Variants in NELL2 observed in about 807,000 individuals in gnomAD.
NELL2 encodes the protein neural EGFL like 2.
NELL2 carries 41 observed loss-of-function variants against 109.6 expected under a neutral mutation model. The observed-to-expected ratio is 0.37, with a 90% confidence interval of 0.29 to 0.49. NELL2 has a LOEUF of 0.49. NELL2 is among the 20% of genes least tolerant of loss of function. NELL2 has a pLI of 0.98. For synonymous variants in NELL2, 355 were observed against 344.7 expected (o/e 1.03, Z -0.33); for missense variants, 900 against 1,008.3 (o/e 0.89, Z 1.45).
intron 13 of NELL2, among the ~76,000 whole-genome samples, chr12:44,637,977 A>C (rs2136295728): frequency 6.6e-6 from 1 of 152,172 alleles, no homozygotes; most frequent in South Asian, 2.1e-4. Flanking sequence ...AACAGTATGG[A>C]CCAGGAATTC....
chr12:44,852,952 A>G (rs1232239398), intron 2 of NELL2, among the ~76,000 whole-genome samples: 3 of 152,138 alleles, frequency 2.0e-5, no homozygotes, highest in Non-Finnish European at 4.4e-5. Context: ...TTTTGTAGCA[A>G]CTTTTAAAAA....
At chr12:44,855,878 C>T (rs138219607) in intron 2 of NELL2, among the ~76,000 whole-genome samples, 1 of 152,286 alleles carries the variant, frequency 6.6e-6, no homozygotes, top group Non-Finnish European at 1.5e-5. Flanking sequence ...AACAGAACTA[C>T]CATTTTTTCC....
At position 44,663,303 on chromosome 12, in the gene NELL2, A is replaced by T. The variant is rs551006509; in HGVS notation, c.1444+2181T>A. Among the ~76,000 whole-genome samples the T allele has an allele frequency of 3.7e-4, 57 of 152,314 alleles. 1 individual carries two copies. The highest frequency in any genetic ancestry group is 1.3e-3 in the African/African-American group (56 of 41,584). On this transcript the variant is annotated intron_variant, in intron 13 of 19. Transcript: ENST00000429094. ...TCACCTGACTCTGGACTAAAAATAA[A>T]ATCGACATATTCTCTAAAAAAAATC...
intron 13 of NELL2, among the ~76,000 whole-genome samples, chr12:44,632,506 A>G (rs1384067853): frequency 6.6e-6 from 1 of 152,138 alleles, no homozygotes; most frequent in African/African-American, 2.4e-5. Flanking sequence ...GATGAAGATA[A>G]TAATATCAAA....
rs139369117 is a variant in NELL2 at position 44,805,399 on chromosome 12, G to A, written c.335+10587C>T. On this transcript the variant is annotated intron_variant, in intron 3 of 19. Transcript: ENST00000429094. ...TATCTCTGCAGAAATCAACAAATAG[G>A]TTAGTAGAACAGAAAACAGGGCCCA... 2.2e-3 allele frequency among the ~76,000 whole-genome samples: 341 copies of A among 151,870 alleles called. 1 individual carries two copies. Among genetic ancestry groups the A allele is most frequent in the African/African-American group, 8.0e-3 (331 of 41,494 alleles).
chr12:44,761,438 A>G (rs1592480272), intron 9 of NELL2, among the ~76,000 whole-genome samples: 1 of 152,236 alleles, frequency 6.6e-6, no homozygotes, highest in East Asian at 1.9e-4. Context: ...GGGAACGTAA[A>G]TTATTAGAAC....
chr12:44,723,988 C>A (rs1399460375), intron 9 of NELL2, among the ~76,000 whole-genome samples: 1 of 151,872 alleles, frequency 6.6e-6, no homozygotes, highest in Non-Finnish European at 1.5e-5. Context: ...ATGGAATCAA[C>A]CTAACTGCCA....
intron 9 of NELL2, among the ~76,000 whole-genome samples, chr12:44,743,186 A>C (rs1940104679): frequency 1.3e-5 from 2 of 152,328 alleles, no homozygotes; most frequent in South Asian, 4.1e-4. Flanking sequence ...CCAGAATTTC[A>C]TATCCACCCA....
chr12:44,781,622 TA>T (rs1941962604), intron 3 of NELL2, among the ~76,000 whole-genome samples: 2 of 151,952 alleles, frequency 1.3e-5, no homozygotes, highest in Non-Finnish European at 2.9e-5. Context: ...TTCTGAAAAC[TA>T]AAAACAAAGA....
At chr12:44,529,607 A>G (rs1260288647) in intron 16 of NELL2, among the ~76,000 whole-genome samples, 1 of 152,172 alleles carries the variant, frequency 6.6e-6, no homozygotes, top group Non-Finnish European at 1.5e-5. Flanking sequence ...CCTGTAGGAG[A>G]AAGGAGAAAA....
intron 1 of NELL2, among the ~76,000 whole-genome samples, chr12:44,905,222 C>A (rs1945706728): frequency 6.6e-6 from 1 of 152,016 alleles, no homozygotes; most frequent in South Asian, 2.1e-4. Context: ...CCTGTACTTT[C>A]ATAACAGTTT....
chr12:44,736,004 CT>C (rs35988182), intron 9 of NELL2, among the ~76,000 whole-genome samples: 14,246 of 99,336 alleles, frequency 0.14, 481 homozygotes, highest in East Asian at 0.17. Flanking sequence ...GCAGTTAATT[CT>C]TTTTTTTTTT....
chr12:44,910,504 T>G (rs1449139561), intron 1 of NELL2, among the ~76,000 whole-genome samples: 3 of 152,002 alleles, frequency 2.0e-5, no homozygotes, highest in Non-Finnish European at 2.9e-5. Context: ...TATGCACTGT[T>G]GGTGGGAATG....
At chr12:44,723,454 T>C (rs1938899799) in intron 9 of NELL2, among the ~76,000 whole-genome samples, 1 of 152,206 alleles carries the variant, frequency 6.6e-6, no homozygotes, top group Admixed American at 6.5e-5. Flanking sequence ...TCAGTTAAAC[T>C]GAGAAATCAT....
chr12:44,559,019 G>C (rs1225538004), intron 15 of NELL2, among the ~76,000 whole-genome samples: 2 of 152,142 alleles, frequency 1.3e-5, no homozygotes, highest in Non-Finnish European at 2.9e-5. Flanking sequence ...TGAAGCTTGA[G>C]TAGATGGTTT....
chr12:44,815,312 T>C (rs1188018844), intron 3 of NELL2, among the ~76,000 whole-genome samples: 2 of 152,234 alleles, frequency 1.3e-5, no homozygotes, highest in African/African-American at 4.8e-5. Flanking sequence ...AACTATGAGG[T>C]AAAAAAGGAA....
At chr12:44,789,315 CCCAGTA>C (rs1246378395) in intron 3 of NELL2, among the ~76,000 whole-genome samples, 1 of 152,124 alleles carries the variant, frequency 6.6e-6, no homozygotes, top group Non-Finnish European at 1.5e-5. Flanking sequence ...GCAGACAATC[CCCAGTA>C]CCAGTACCAG....
In NELL2 at chr12:44,865,518, A is replaced by G. The variant is rs1261644394; in HGVS notation, c.184+9707T>C. Among the ~76,000 whole-genome samples, 7 of 109,632 alleles carry G rather than the reference A, an allele frequency of 6.4e-5. No individual in the cohort carries two copies. In the East Asian group the frequency reaches 7.7e-4, roughly 12 times the overall value. The allele number at this position is 109,632 out of a possible 152,430, so 71.9% of individuals were successfully genotyped here. A position where few individuals can be genotyped will look rare whatever the true frequency, so the allele number is the denominator to read the frequency against. Reference sequence around the variant, plus strand: ...ATGAGTTCATGTCCTTTGTAGGGACATGGATGAAATTGGAAACCATCATTC... The same window carrying G: ...ATGAGTTCATGTCCTTTGTAGGGACGTGGATGAAATTGGAAACCATCATTC... On this transcript the variant is annotated intron_variant, in intron 2 of 19. Transcript: ENST00000429094.
chr12:44,508,873 T>C lies in NELL2; in HGVS notation c.*61A>G. Reference sequence around the variant, plus strand: ...ATCACCCAATTTAAGTTTTAACTTCTTTTTGGTCTTTTAATGAAAGAACAT... The same window carrying C: ...ATCACCCAATTTAAGTTTTAACTTCCTTTTGGTCTTTTAATGAAAGAACAT... On this transcript the variant is annotated 3_prime_UTR_variant, in exon 20 of 20. Coordinates refer to ENST00000429094, the MANE Select transcript of NELL2 (RefSeq NM_001145108.2). The C allele has an allele frequency of 2.1e-6, 3 of 1,454,378 alleles. No homozygotes were observed. 90.1% of individuals were successfully genotyped at this position (1,454,378 alleles called of 1,614,324 possible).
Sources: allele counts gnomAD v4.1 joint callset (sites outside exome capture counted in the v4.1 genomes callset), GRCh38; gene constraint gnomAD v4.1.1; transcripts MANE v1.5; gene names NCBI Gene and HGNC (gene_info 2026-07-23, HGNC 2026-07-21).